The following SNTB1 variants were observed in gnomAD, a reference collection of about 807,000 sequenced individuals.
SNTB1 encodes the protein beta-1-syntrophin.
Under a neutral mutation model 48.9 loss-of-function variants are expected in SNTB1, and 36 were observed. The ratio of observed to expected loss-of-function variants is 0.74; its 90% CI spans 0.56 to 0.97. The LOEUF (loss-of-function observed/expected upper bound fraction) is 0.97. SNTB1 is among the 50% of genes least tolerant of loss of function. The pLI, the probability that SNTB1 is intolerant of heterozygous loss-of-function variation, is 0.00. For synonymous variants in SNTB1, 299 were observed against 294.6 expected (o/e 1.01, Z -0.15); for missense variants, 786 against 703.4 (o/e 1.12, Z -1.33).
chr8:120,682,945 T>A lies in SNTB1; in HGVS notation c.788+10747A>T, dbSNP rs368304117. ...CGCCCAGGCCAGACTGCAGTGGCGC[T>A]ATCTCGGCTCACTGCAACCTCCGCC... On this transcript the variant is annotated intron_variant, in intron 2 of 6. Transcript: ENST00000517992. Among the ~76,000 whole-genome samples, 3 of 147,944 alleles carry A rather than the reference T, an allele frequency of 2.0e-5. No homozygotes were observed. In the South Asian group the frequency reaches 6.6e-4, roughly 32 times the overall value.
intron 3 of SNTB1, among the ~76,000 whole-genome samples, chr8:120,587,395 T>C (rs1008067455): frequency 6.6e-6 from 1 of 152,230 alleles, no homozygotes; most frequent in East Asian, 1.9e-4. Flanking sequence ...AATAATCCTC[T>C]GGCCCCAACC....
Position 120,751,785 on chromosome 8 carries a change from GA to G in SNTB1, c.572-57878del, listed in dbSNP as rs200247176. Reference sequence around the variant, plus strand: ...GATAACAATAGTATGAGGTTTAAATGAAAAAAAATATGCAAGGACTGAGTAC... The same window carrying G: ...GATAACAATAGTATGAGGTTTAAATGAAAAAAATATGCAAGGACTGAGTAC... On this transcript the variant is annotated intron_variant, in intron 1 of 6. Transcript: ENST00000517992. 6.4e-3 allele frequency among the ~76,000 whole-genome samples: 976 copies of G among 151,820 alleles called. 10 individuals carry two copies. The highest frequency in any genetic ancestry group is 0.022 in the African/African-American group (913 of 41,444).
intron 4 of SNTB1, among the ~76,000 whole-genome samples, chr8:120,551,254 CAA>C (rs11304538): frequency 7.2e-4 from 58 of 80,632 alleles, no homozygotes; most frequent in South Asian, 7.7e-4. Context: ...GACTCCATCT[CAA>C]AAAAAAAAAA....
At chr8:120,539,807 G>C (rs1414543386) in intron 6 of SNTB1, among the ~76,000 whole-genome samples, 1 of 152,180 alleles carries the variant, frequency 6.6e-6, no homozygotes. Flanking sequence ...CTCATTATGA[G>C]CCAGGTACTG....
Position 120,736,414 on chromosome 8 carries a change from T to C in SNTB1, c.572-42506A>G, listed in dbSNP as rs758906953. Among the ~76,000 whole-genome samples, 194 of 152,244 alleles carry C rather than the reference T, an allele frequency of 1.3e-3. 1 individual carries two copies. Among genetic ancestry groups the C allele is most frequent in the Non-Finnish European group, 2.8e-4 (19 of 68,016 alleles). On this transcript the variant is annotated intron_variant, in intron 1 of 6. Coordinates refer to ENST00000517992, the MANE Select transcript of SNTB1 (RefSeq NM_021021.4). The stretch of plus-strand genomic sequence containing the variant: ...AACGTAAGACTCTGCAACAGGCAGG[T>C]ATCAGTGAAGAGAACTAAAAGTATG...
chr8:120,592,470 G>C (rs1344606607), intron 3 of SNTB1, among the ~76,000 whole-genome samples: 1 of 152,028 alleles, frequency 6.6e-6, no homozygotes, highest in Non-Finnish European at 1.5e-5. Context: ...GTGATCCACT[G>C]TGCCTGGCCA....
At chr8:120,661,430 A>T (rs1817585862) in intron 2 of SNTB1, among the ~76,000 whole-genome samples, 1 of 152,178 alleles carries the variant, frequency 6.6e-6, no homozygotes, top group Admixed American at 6.5e-5. Flanking sequence ...CCAAGGTCAC[A>T]CTTGCAGGTA....
At chr8:120,630,091 A>G (rs1388152366) in intron 3 of SNTB1, among the ~76,000 whole-genome samples, 1 of 152,328 alleles carries the variant, frequency 6.6e-6, no homozygotes, top group South Asian at 2.1e-4. Flanking sequence ...AAGACCATCA[A>G]CTTGGTAGAT....
intron 4 of SNTB1, among the ~76,000 whole-genome samples, chr8:120,556,832 A>C (rs1465969556): frequency 6.6e-6 from 1 of 152,232 alleles, no homozygotes; most frequent in Admixed American, 6.5e-5. Context: ...CAGCCAATAA[A>C]TAATACTGGA....
At chr8:120,556,685 T>C (rs1372890594) in intron 4 of SNTB1, among the ~76,000 whole-genome samples, 4 of 152,216 alleles carry the variant, frequency 2.6e-5, no homozygotes, top group Non-Finnish European at 4.4e-5. Context: ...CTTTCTCTTT[T>C]GTTATGTGAG....
intron 1 of SNTB1, among the ~76,000 whole-genome samples, chr8:120,729,651 G>A (rs1332169185): frequency 6.6e-6 from 1 of 152,160 alleles, no homozygotes; most frequent in Non-Finnish European, 1.5e-5. Flanking sequence ...AATTACAATT[G>A]CTGTCATTTT....
chr8:120,688,831 G>A (rs1054478410), intron 2 of SNTB1, among the ~76,000 whole-genome samples: 11 of 152,140 alleles, frequency 7.2e-5, no homozygotes, highest in African/African-American at 2.7e-4. Context: ...AGGTGACAGG[G>A]AGCCATTTTG....
At chr8:120,791,888 T>C (rs982691638) in intron 1 of SNTB1, among the ~76,000 whole-genome samples, 1 of 151,766 alleles carries the variant, frequency 6.6e-6, no homozygotes, top group African/African-American at 2.4e-5. Flanking sequence ...CTATGGAAAA[T>C]GGTATGGAGA....
At chr8:120,603,133 C>T (rs548070742) in intron 3 of SNTB1, among the ~76,000 whole-genome samples, 4 of 150,680 alleles carry the variant, frequency 2.7e-5, no homozygotes, top group Admixed American at 1.3e-4. Flanking sequence ...GACGGGGTTT[C>T]GCTCTGTCGC....
chr8:120,571,633 G>A (rs1372631618), intron 4 of SNTB1, among the ~76,000 whole-genome samples: 2 of 151,798 alleles, frequency 1.3e-5, no homozygotes, highest in African/African-American at 4.8e-5. Flanking sequence ...GAGCAGCTGG[G>A]AACCACAGTT....
At chr8:120,710,966 T>C (rs1286472432) in intron 1 of SNTB1, among the ~76,000 whole-genome samples, 1 of 152,134 alleles carries the variant, frequency 6.6e-6, no homozygotes, top group Non-Finnish European at 1.5e-5. Flanking sequence ...CTCAAAACAA[T>C]CACCAGAAAA....
intron 6 of SNTB1, among the ~76,000 whole-genome samples, chr8:120,541,002 G>A (rs934107527): frequency 1.3e-5 from 2 of 152,162 alleles, no homozygotes; most frequent in South Asian, 2.1e-4. Context: ...TAGTCATTAC[G>A]AAATCAAAGG....
At chr8:120,653,965 G>C (rs749555361) in intron 2 of SNTB1, among the ~76,000 whole-genome samples, 1 of 141,368 alleles carries the variant, frequency 7.1e-6, no homozygotes, top group Non-Finnish European at 1.5e-5. Context: ...GCGTGAACCC[G>C]GAAAGCGGAG....
chr8:120,583,514 AACACACACACACACACACACACACAC>A (rs10524445), intron 3 of SNTB1, among the ~76,000 whole-genome samples: 1 of 143,074 alleles, frequency 7.0e-6, no homozygotes, highest in Non-Finnish European at 1.5e-5. Flanking sequence ...TCCGTCTCAA[AACACACACACACACACACACACACAC>A]ACACACACAC....
Sources: allele counts gnomAD v4.1 joint callset (sites outside exome capture counted in the v4.1 genomes callset), GRCh38; gene constraint gnomAD v4.1.1; transcripts MANE v1.5; gene names NCBI Gene and HGNC (gene_info 2026-07-23, HGNC 2026-07-21).